The following TFAP2B variants were observed in gnomAD, a reference collection of about 807,000 sequenced individuals.
TFAP2B encodes transcription factor AP-2 beta, also known as transcription factor AP-2-beta.
Under a neutral mutation model 44.3 loss-of-function variants are expected in TFAP2B, and 9 were observed. That is an observed-to-expected ratio of 0.20 (90% CI 0.12 to 0.35). The LOEUF (loss-of-function observed/expected upper bound fraction) is 0.35, where lower values mean the gene tolerates loss of function less well. TFAP2B is among the 10% of genes least tolerant of loss of function. TFAP2B has a pLI of 1.00. For missense variants in TFAP2B, 509 were observed against 600.0 expected (o/e 0.85, Z 1.59); for synonymous variants, 270 against 263.8 (o/e 1.02, Z -0.23).
At chr6:50,826,835 G>A (rs977031524) in intron 2 of TFAP2B, among the ~76,000 whole-genome samples, 6 of 152,066 alleles carry the variant, frequency 3.9e-5, no homozygotes, top group Non-Finnish European at 7.4e-5. Flanking sequence ...AAACACACCC[G>A]AGTGTCTTAA....
intron 3 of TFAP2B, among the ~76,000 whole-genome samples, chr6:50,835,746 G>C (rs1463229405): frequency 2.6e-5 from 4 of 152,224 alleles, no homozygotes; most frequent in Non-Finnish European, 5.9e-5. Context: ...GCACACGATG[G>C]AATAAGATTT....
rs1466657498 is a variant in TFAP2B, at chr6:50,843,266, C to T, written c.1257C>T (p.Asn419=). The T allele has an allele frequency of 1.2e-6, 2 of 1,614,196 alleles. No homozygotes were observed. The highest frequency in any genetic ancestry group is 1.1e-5 in the South Asian group (1 of 91,090). The change falls in exon 7 of 7, where the codon AAC becomes AAT. Residue 419 remains asparagine, a synonymous_variant. Coordinates refer to ENST00000393655, the MANE Select transcript of TFAP2B (RefSeq NM_003221.4). ...AICAALTALQ[N]YLTEALKGMD... ...GCGCCGCGCTCACGGCCCTGCAGAA[C>T]TATCTCACCGAGGCGCTCAAAGGCA...
chr6:50,843,361 C>T lies in TFAP2B; in HGVS notation c.1352C>T (p.Thr451Ile). ...TCTGGGGAAGGCCCAGGTAGTAAAA[C>T]TGGCGACAAGGAGGAGAAACACAGG... ...HTSGEGPGSK[T>I]GDKEEKHRK is the part of the protein sequence containing the mutation. Residue 451 changes from threonine to isoleucine, a missense_variant, in exon 7 of 7, where the codon ACT (threonine) becomes ATT (isoleucine). By Grantham distance (89) the Thr-to-Ile change is moderately conservative. Coordinates refer to ENST00000393655, the MANE Select transcript of TFAP2B (RefSeq NM_003221.4). 2 of 1,613,968 alleles carry T rather than the reference C, an allele frequency of 1.2e-6. No individual in the cohort carries two copies. The highest frequency in any genetic ancestry group is 1.7e-6 in the Non-Finnish European group (2 of 1,180,008).
chr6:50,842,038 A>G (rs1581831811), intron 6 of TFAP2B, among the ~76,000 whole-genome samples: 2 of 152,220 alleles, frequency 1.3e-5, no homozygotes, highest in African/African-American at 4.8e-5. Flanking sequence ...AGGTGTGGCC[A>G]GGTATCTGTG....
chr6:50,837,592 T>G (rs1379153363), intron 4 of TFAP2B, among the ~76,000 whole-genome samples: 1 of 152,200 alleles, frequency 6.6e-6, no homozygotes, highest in Non-Finnish European at 1.5e-5. Flanking sequence ...ACCTGGCTCT[T>G]ATCCTCTTTT....
At chr6:50,830,248 G>C (rs1038644597) in intron 3 of TFAP2B, 3 of 959,218 alleles carry the variant, frequency 3.1e-6, no homozygotes, top group Admixed American at 1.2e-4. Context: ...CATTTGGGCT[G>C]GCAGGGGAAC....
At position 50,845,481 on chromosome 6, in the gene TFAP2B, G is replaced by A. The variant is rs1489478332; in HGVS notation, c.*2089G>A. On this transcript the variant is annotated 3_prime_UTR_variant, in exon 7 of 7. Coordinates refer to ENST00000393655, the MANE Select transcript of TFAP2B (RefSeq NM_003221.4). ...CACTGCAGCCCATCTCCAACCCCTA[G>A]CTTCGTTTAGCACTTCTGATCTTCA... is the stretch of plus-strand genomic sequence containing the variant. 1 of 152,494 alleles carries A rather than the reference G, an allele frequency of 6.6e-6. No individual in the cohort carries two copies. The highest frequency in any genetic ancestry group is 1.9e-4 in the East Asian group (1 of 5,196). The allele number at this position is 152,494 out of a possible 1,614,324, so 9.4% of individuals were successfully genotyped here.
intron 2 of TFAP2B, among the ~76,000 whole-genome samples, chr6:50,826,469 C>T (rs1315078880): frequency 1.3e-5 from 2 of 152,124 alleles, no homozygotes; most frequent in African/African-American, 4.8e-5. Flanking sequence ...AACTATAAAA[C>T]CCTGTCAATT....
intron 5 of TFAP2B, among the ~76,000 whole-genome samples, chr6:50,839,948 A>C (rs1384411985): frequency 6.6e-6 from 1 of 152,196 alleles, no homozygotes; most frequent in Non-Finnish European, 1.5e-5. Context: ...AGGGAGAGGC[A>C]GGAAAAAGAG....
chr6:50,818,765 A>G, upstream of TFAP2B: 1 of 791,956 alleles, frequency 1.3e-6, no homozygotes, highest in East Asian at 2.6e-5. Context: ...CTATTGTTTG[A>G]GACAACAGAT....
chr6:50,828,987 G>A (rs1229434485), intron 3 of TFAP2B, among the ~76,000 whole-genome samples: 2 of 152,166 alleles, frequency 1.3e-5, no homozygotes, highest in Non-Finnish European at 2.9e-5. Flanking sequence ...TGTGGAATTG[G>A]CTGGTAAACA....
chr6:50,825,584 G>A (rs1277900645), intron 2 of TFAP2B, among the ~76,000 whole-genome samples: 1 of 152,194 alleles, frequency 6.6e-6, no homozygotes, highest in Non-Finnish European at 1.5e-5. Flanking sequence ...TTCAAAGTCT[G>A]AGAGAAAAAC....
At chr6:50,829,563 TGAC>T (rs1770618437) in intron 3 of TFAP2B, among the ~76,000 whole-genome samples, 1 of 152,216 alleles carries the variant, frequency 6.6e-6, no homozygotes, top group Non-Finnish European at 1.5e-5. Flanking sequence ...AACTGGCATT[TGAC>T]GATACAATTT....
intron 2 of TFAP2B, among the ~76,000 whole-genome samples, chr6:50,828,130 C>A (rs923198294): frequency 6.6e-6 from 1 of 152,140 alleles, no homozygotes; most frequent in African/African-American, 2.4e-5. Flanking sequence ...CAAACATGTT[C>A]CTATGTGTTG....
chr6:50,820,252 G>C (rs1383117603), intron 1 of TFAP2B, among the ~76,000 whole-genome samples: 1 of 152,192 alleles, frequency 6.6e-6, no homozygotes, highest in Non-Finnish European at 1.5e-5. Flanking sequence ...CCTCCGGATC[G>C]GGACAGCTCC....
intron 2 of TFAP2B, among the ~76,000 whole-genome samples, chr6:50,826,438 T>G (rs1445461521): frequency 6.6e-6 from 1 of 152,174 alleles, no homozygotes; most frequent in African/African-American, 2.4e-5. Flanking sequence ...CACCAAATGC[T>G]TCTAATATTT....
chr6:50,837,474 C>T (rs750907381), intron 4 of TFAP2B, among the ~76,000 whole-genome samples: 3 of 152,312 alleles, frequency 2.0e-5, no homozygotes, highest in South Asian at 2.1e-4. Flanking sequence ...ATCACCATTT[C>T]GATTTCAGTC....
chr6:50,827,284 T>C (rs1469800343), intron 2 of TFAP2B, among the ~76,000 whole-genome samples: 1 of 152,236 alleles, frequency 6.6e-6, no homozygotes, highest in Non-Finnish European at 1.5e-5. Flanking sequence ...TGAGGAGTTA[T>C]GAACAAGTTA....
At chr6:50,818,854 C>A (rs576874296), upstream of TFAP2B, 8 of 1,589,006 alleles carry the variant, frequency 5.0e-6, no homozygotes, top group African/African-American at 9.4e-5. Flanking sequence ...TTACAGACAG[C>A]GGAGTCCTGA....
Sources: allele counts gnomAD v4.1 joint callset (sites outside exome capture counted in the v4.1 genomes callset), GRCh38; gene constraint gnomAD v4.1.1; transcripts MANE v1.5; gene names NCBI Gene and HGNC (gene_info 2026-07-23, HGNC 2026-07-21).